Variants in CNGB3 observed in about 807,000 individuals in gnomAD.
CNGB3 encodes cyclic nucleotide gated channel subunit beta 3, also known as cyclic nucleotide-gated channel beta-3.
In CNGB3, 86 loss-of-function variants were observed where a neutral mutation model predicts 92.8. The ratio of observed to expected loss-of-function variants is 0.93; its 90% CI spans 0.78 to 1.11. The LOEUF is 1.11. Ranked by LOEUF, CNGB3 falls within the 50% of genes least tolerant of loss-of-function variation. CNGB3 has a pLI of 0.00. For missense variants in CNGB3, 1,026 were observed against 956.8 expected (o/e 1.07, Z -0.95); for synonymous variants, 333 against 332.7 (o/e 1.00, Z -0.01).
chr8:86,609,360 A>G (rs1163591040), intron 14 of CNGB3, among the ~76,000 whole-genome samples: 1 of 152,182 alleles, frequency 6.6e-6, no homozygotes, highest in Non-Finnish European at 1.5e-5. Flanking sequence ...TCCCATTTCA[A>G]TAAAATTGAT....
In CNGB3 at chr8:86,658,358, A is replaced by G. The variant is rs577417165; in HGVS notation, c.853-4296T>C. On this transcript the variant is annotated intron_variant, in intron 6 of 17. Transcript: ENST00000320005. ...GCGCCTCCTCCTCACTGTCCAGTCC[A>G]TCTCCTTCCCCATGGAGAGCCATGA... is the stretch of plus-strand genomic sequence containing the variant. The G allele has an allele frequency of 5.1e-4, 232 of 452,778 alleles. 2 individuals carry two copies. The highest frequency in any genetic ancestry group is 4.0e-3 in the African/African-American group (196 of 49,160). The allele number at this position is 452,778 out of a possible 1,614,324, so 28.0% of individuals were successfully genotyped here.
At chr8:86,630,620 AT>A (rs1227540820) in intron 11 of CNGB3, among the ~76,000 whole-genome samples, 2 of 152,166 alleles carry the variant, frequency 1.3e-5, no homozygotes, top group Non-Finnish European at 2.9e-5. Flanking sequence ...TAATCTCAGC[AT>A]TTTGGGAGAT....
chr8:86,705,702 A>T (rs1824640661), intron 3 of CNGB3, among the ~76,000 whole-genome samples: 1 of 152,156 alleles, frequency 6.6e-6, no homozygotes, highest in South Asian at 2.1e-4. Context: ...TTATAGCCTG[A>T]GTTATATCCT....
intron 6 of CNGB3, chr8:86,660,264 T>C (rs112024502): frequency 6.6e-6 from 2 of 302,252 alleles, no homozygotes; most frequent in South Asian, 6.4e-5. Context: ...CACAGCCAAT[T>C]TGCTCTGTAG....
Position 86,603,955 on chromosome 8 carries a change from T to C in CNGB3, c.1781+138A>G, listed in dbSNP as rs1476832716. The stretch of plus-strand genomic sequence containing the variant: ...TTTGGTGAAGGGATGAATAAAAATA[T>C]GAAAATCCTTATTTTACGAATGCTC... On this transcript the variant is annotated intron_variant, in intron 15 of 17. Transcript: ENST00000320005. 8 of 667,228 alleles carry C rather than the reference T, an allele frequency of 1.2e-5. No individual in the cohort carries two copies. In the Admixed American group the frequency reaches 2.0e-4, roughly 16 times the overall value. 41.3% of individuals were successfully genotyped at this position (667,228 alleles called of 1,614,324 possible).
At chr8:86,657,450 C>A (rs1258379886) in intron 6 of CNGB3, 5 of 515,440 alleles carry the variant, frequency 9.7e-6, no homozygotes, top group Non-Finnish European at 2.0e-5. Context: ...GGGTTGCTGC[C>A]CAAGCCTGGG....
intron 3 of CNGB3, chr8:86,704,247 A>C (rs997101324): frequency 6.6e-6 from 1 of 152,286 alleles, no homozygotes; most frequent in African/African-American, 2.4e-5. Context: ...GAAGTGGATC[A>C]TCAGAAAGGT....
At chr8:86,658,010 G>T in intron 6 of CNGB3, 1 of 544,872 alleles carries the variant, frequency 1.8e-6, no homozygotes, top group Non-Finnish European at 3.6e-6. Context: ...TTTTCCATCT[G>T]CTCCTTCAGG....
Position 86,576,094 on chromosome 8 carries a change from T to G in CNGB3, c.2140A>C (p.Lys714Gln). Residue 714 changes from lysine (K) to glutamine (Q), a missense_variant, in exon 18 of 18, where the codon AAA (lysine) becomes CAA (glutamine). Physicochemically the swap from Lys to Gln is moderately conservative, Grantham distance 53. Transcript: ENST00000320005. The stretch of plus-strand genomic sequence containing the variant: ...TCTTTTTGTTTATCTTCATTTTCTT[T>G]TCCTTCTTCCTCTCCTCCTTCAGAA... ...ENSEGGEEEG[K>Q]ENEDKQKENE... The G allele has an allele frequency of 1.9e-6, 3 of 1,604,410 alleles. No homozygotes were observed. The highest frequency in any genetic ancestry group is 4.5e-5 in the East Asian group (2 of 44,840).
At chr8:86,735,233 C>G (rs1453147097) in intron 2 of CNGB3, among the ~76,000 whole-genome samples, 1 of 142,746 alleles carries the variant, frequency 7.0e-6, no homozygotes, top group Non-Finnish European at 1.5e-5. Context: ...AGCTCCGCTT[C>G]CAGGGTTCAC....
intron 13 of CNGB3, among the ~76,000 whole-genome samples, chr8:86,613,250 GT>G (rs1377884776): frequency 6.6e-6 from 1 of 152,114 alleles, no homozygotes; most frequent in Non-Finnish European, 1.5e-5. Context: ...GTCCTACTAT[GT>G]CTGATAGGTT....
chr8:86,637,818 A>G (rs535971627), intron 10 of CNGB3, among the ~76,000 whole-genome samples: 7 of 152,182 alleles, frequency 4.6e-5, no homozygotes, highest in African/African-American at 1.7e-4. Context: ...AACAAAACAC[A>G]TGTTAAGACA....
intron 15 of CNGB3, among the ~76,000 whole-genome samples, chr8:86,596,684 G>T (rs1822177994): frequency 6.6e-6 from 1 of 152,194 alleles, no homozygotes; most frequent in Non-Finnish European, 1.5e-5. Flanking sequence ...CCTGTGTAAA[G>T]TGTCTTCATG....
intron 3 of CNGB3, among the ~76,000 whole-genome samples, chr8:86,693,423 A>T (rs10087884): frequency 0.48 from 64,077 of 134,398 alleles, 14,408 homozygotes; most frequent in Middle Eastern, 0.59. Flanking sequence ...ATTTTTTTTT[A>T]TTATTATTAT....
chr8:86,719,172 G>A (rs985396398), intron 3 of CNGB3, among the ~76,000 whole-genome samples: 10 of 151,910 alleles, frequency 6.6e-5, no homozygotes, highest in Non-Finnish European at 1.5e-5. Flanking sequence ...CATAGCCAGA[G>A]CAATCAGACA....
intron 3 of CNGB3, among the ~76,000 whole-genome samples, chr8:86,675,800 T>A (rs1223785103): frequency 1.3e-5 from 2 of 152,212 alleles, no homozygotes; most frequent in African/African-American, 4.8e-5. Context: ...GGGAAACTCA[T>A]TTTTTAAAAA....
intron 3 of CNGB3, among the ~76,000 whole-genome samples, chr8:86,677,235 A>G (rs1055113360): frequency 6.6e-6 from 1 of 152,200 alleles, no homozygotes; most frequent in African/African-American, 2.4e-5. Context: ...TAAGCCACCC[A>G]GTTTGTGGTA....
At chr8:86,648,177 C>T (rs1823326215) in intron 7 of CNGB3, among the ~76,000 whole-genome samples, 1 of 151,136 alleles carries the variant, frequency 6.6e-6, no homozygotes, top group South Asian at 2.1e-4. Flanking sequence ...ATACAATGGG[C>T]ATAGTTGCTA....
intron 3 of CNGB3, 143 bp from the exon 4 acceptor site, chr8:86,671,241 A>C: frequency 1.2e-6 from 1 of 855,216 alleles, no homozygotes; most frequent in East Asian, 2.5e-5. Flanking sequence ...TTCAAACATT[A>C]GGTTTAATGG....
Sources: allele counts gnomAD v4.1 joint callset (sites outside exome capture counted in the v4.1 genomes callset), GRCh38; gene constraint gnomAD v4.1.1; transcripts MANE v1.5; gene names NCBI Gene and HGNC (gene_info 2026-07-23, HGNC 2026-07-21).